The following ANKRD11 variants were observed in gnomAD, a reference collection of about 807,000 sequenced individuals.
ANKRD11 encodes ankyrin repeat domain 11, also known as ankyrin repeat domain-containing protein 11.
A neutral mutation model predicts 195.7 loss-of-function variants in ANKRD11; 17 were observed. The ratio of observed to expected loss-of-function variants is 0.09; its 90% CI spans 0.06 to 0.13. ANKRD11 has a LOEUF of 0.13. Ranked by LOEUF, ANKRD11 falls within the 10% of genes least tolerant of loss-of-function variation. The probability of loss-of-function intolerance (pLI) is 1.00; values close to 1 mark genes in which losing one functional copy is unlikely to be tolerated. For missense variants in ANKRD11, 3,735 were observed against 3,566.1 expected, an observed-to-expected ratio of 1.05 and a Z score of -1.21; for synonymous variants, 1,953 against 1,528.1, an observed-to-expected ratio of 1.28 and a Z score of -6.49.
At chr16:89,286,811 G>C in intron 7 of ANKRD11, 1 of 1,287,218 alleles carries the variant, frequency 7.8e-7, no homozygotes, top group South Asian at 1.2e-5. Flanking sequence ...CAGCAACCTG[G>C]ATTTCCTATG....
At chr16:89,417,014 C>T (rs2152228622) in intron 2 of ANKRD11, among the ~76,000 whole-genome samples, 1 of 152,192 alleles carries the variant, frequency 6.6e-6, no homozygotes, top group East Asian at 1.9e-4. Context: ...TGCCCACTAC[C>T]CAGGCTGGCT....
chr16:89,423,074 C>T (rs927468593), intron 1 of ANKRD11, among the ~76,000 whole-genome samples: 2 of 152,192 alleles, frequency 1.3e-5, no homozygotes, highest in African/African-American at 2.4e-5. Flanking sequence ...CTTCAGACAA[C>T]CAAGGGCCAC....
At chr16:89,350,310 C>T (rs777475267) in intron 2 of ANKRD11, among the ~76,000 whole-genome samples, 4 of 152,106 alleles carry the variant, frequency 2.6e-5, no homozygotes, top group Non-Finnish European at 5.9e-5. Context: ...AACATGTGAC[C>T]GAGAAACCCA....
chr16:89,447,967 G>T (rs1484939673), intron 1 of ANKRD11, among the ~76,000 whole-genome samples: 3 of 151,880 alleles, frequency 2.0e-5, no homozygotes. Context: ...ACCACGCCTG[G>T]CTCATTTTTG....
chr16:89,349,133 G>GAAAAAAAAAAAAAAAAAAAA (rs2039078338), intron 2 of ANKRD11, among the ~76,000 whole-genome samples: 1 of 1,576 alleles, frequency 6.3e-4, no homozygotes, highest in Non-Finnish European at 1.2e-3. Context: ...GTCTCAAAAA[G>GAAAAAAAAAAAAAAAAAAAA]TAAAAAAAAA....
chr16:89,436,672 A>G (rs944956823), intron 1 of ANKRD11, among the ~76,000 whole-genome samples: 11 of 152,206 alleles, frequency 7.2e-5, no homozygotes, highest in African/African-American at 2.4e-4. Flanking sequence ...CTGCTCCTTC[A>G]GATACAAAAT....
At chr16:89,488,051 C>A (rs1567873867) in intron 1 of ANKRD11, among the ~76,000 whole-genome samples, 1 of 151,946 alleles carries the variant, frequency 6.6e-6, no homozygotes, top group Non-Finnish European at 1.5e-5. Flanking sequence ...ATGAGAGCTG[C>A]AAAAGAGGAA....
chr16:89,485,000 GT>G (rs1246193132), intron 1 of ANKRD11, among the ~76,000 whole-genome samples: 2 of 152,178 alleles, frequency 1.3e-5, no homozygotes, highest in Admixed American at 6.5e-5. Flanking sequence ...CCTGACAGCT[GT>G]CTCAACCTTG....
chr16:89,404,549 A>G (rs1193567253), intron 2 of ANKRD11, among the ~76,000 whole-genome samples: 6 of 152,262 alleles, frequency 3.9e-5, no homozygotes, highest in Admixed American at 3.9e-4. Flanking sequence ...GAAGAGAAGG[A>G]AAAGCTGCTT....
At chr16:89,388,478 A>G (rs539888066) in intron 2 of ANKRD11, among the ~76,000 whole-genome samples, 1 of 152,056 alleles carries the variant, frequency 6.6e-6, no homozygotes, top group African/African-American at 2.4e-5. Flanking sequence ...GGAATAGAAA[A>G]TAAGCAAGAT....
intron 2 of ANKRD11, among the ~76,000 whole-genome samples, chr16:89,400,886 G>A (rs1000655433): frequency 3.3e-5 from 5 of 152,088 alleles, no homozygotes; most frequent in Admixed American, 6.5e-5. Flanking sequence ...CACCTTGGAC[G>A]CCTGTCGCCC....
intron 2 of ANKRD11, among the ~76,000 whole-genome samples, chr16:89,330,674 G>T (rs868167776): frequency 0.05 from 1,508 of 30,364 alleles, 209 homozygotes; most frequent in African/African-American, 0.16. Context: ...GGGGGGGGGG[G>T]GCGGGGGCGG....
intron 2 of ANKRD11, chr16:89,360,511 A>G (rs2039683133): frequency 6.6e-6 from 1 of 152,260 alleles, no homozygotes; most frequent in Non-Finnish European, 1.5e-5. Flanking sequence ...TTAAAAAACC[A>G]TGGATTATTG....
At chr16:89,274,169 G>C (rs1408311289) in intron 11 of ANKRD11, among the ~76,000 whole-genome samples, 5 of 152,232 alleles carry the variant, frequency 3.3e-5, no homozygotes, top group Non-Finnish European at 5.9e-5. Context: ...CTGCCCCAGG[G>C]AGAGCCACGG....
At chr16:89,372,251 T>C (rs2040225823) in intron 2 of ANKRD11, among the ~76,000 whole-genome samples, 1 of 152,220 alleles carries the variant, frequency 6.6e-6, no homozygotes, top group African/African-American at 2.4e-5. Context: ...CACGTCCTCC[T>C]GCAGCCCGAG....
chr16:89,430,027 C>T (rs1395765952), intron 1 of ANKRD11, among the ~76,000 whole-genome samples: 3 of 126,086 alleles, frequency 2.4e-5, no homozygotes, highest in African/African-American at 9.6e-5. Flanking sequence ...TCAACTCTCA[C>T]GCTCAGTCGT....
At chr16:89,385,922 C>T (rs550213758) in intron 2 of ANKRD11, among the ~76,000 whole-genome samples, 7 of 152,326 alleles carry the variant, frequency 4.6e-5, no homozygotes, top group Admixed American at 3.9e-4. Flanking sequence ...CCCAGGAGGT[C>T]ACCACACGGA....
At position 89,279,665 on chromosome 16, in the gene ANKRD11, C is replaced by A. The variant is rs1437184783; in HGVS notation, c.6877G>T (p.Asp2293Tyr). Reference sequence around the variant, plus strand: ...GCGGCGGCACGGGAGGCCTCAGTGTCGTCCTCGGGGCCGGCACCGTCTGCG... The same window carrying A: ...GCGGCGGCACGGGAGGCCTCAGTGTAGTCCTCGGGGCCGGCACCGTCTGCG... Reference protein sequence around the residue: ...QAADGAGPEDDTEASRAAAPA... With the variant: ...QAADGAGPEDYTEASRAAAPA... Residue 2293 changes from aspartate to tyrosine, a missense_variant, in exon 9 of 13, where the codon GAC (aspartate) becomes TAC (tyrosine). Asp to Tyr is a radical substitution (Grantham distance 160). Coordinates refer to ENST00000301030, the MANE Select transcript of ANKRD11 (RefSeq NM_013275.6). The surrounding 1 kb of genome is among the most constrained non-coding windows in gnomAD (Gnocchi z 5.6). 4.8e-6 allele frequency: 7 copies of A among 1,450,978 alleles called. No individual in the cohort carries two copies. Among genetic ancestry groups the A allele is most frequent in the Non-Finnish European group, 6.3e-6 (7 of 1,106,806 alleles). The allele number at this position is 1,450,978 out of a possible 1,614,324, so 89.9% of individuals were successfully genotyped here.
Position 89,280,171 on chromosome 16 carries a change from A to T in ANKRD11, c.6371T>A (p.Phe2124Tyr), listed in dbSNP as rs1205095658. ...GTCCAGGTCGTCCTCGGGGCCGGCG[A>T]AGGCGTCCGCCCAGGGCACCGGCTC... is the stretch of plus-strand genomic sequence containing the variant. Reference protein sequence around the residue: ...QVEPVPWADAFAGPEDDLDLG... With the variant: ...QVEPVPWADAYAGPEDDLDLG... The change falls in exon 9 of 13, where the codon TTC becomes TAC. Residue 2124 changes from phenylalanine to tyrosine, a missense_variant. Phe to Tyr is a conservative substitution (Grantham distance 22, BLOSUM62 3). Coordinates refer to ENST00000301030, the MANE Select transcript of ANKRD11 (RefSeq NM_013275.6). The T allele has an allele frequency of 1.9e-6, 3 of 1,609,520 alleles. No homozygotes were observed. Among genetic ancestry groups the T allele is most frequent in the East Asian group, 2.2e-5 (1 of 44,834 alleles).
Sources: gnomAD v4.1 joint callset for allele counts (sites outside exome capture counted in the v4.1 genomes callset) on GRCh38, gnomAD v4.1.1 for gene constraint, Gnocchi (gnomAD v3.1) non-coding constraint, MANE v1.5 for transcripts, NCBI Gene and HGNC (gene_info 2026-07-23, HGNC 2026-07-21) for gene names.